The following NSRP1 variants were observed in gnomAD, a reference collection of about 807,000 sequenced individuals.
NSRP1 encodes coiled-coil domain containing 55.
Under a neutral mutation model 54.7 loss-of-function variants are expected in NSRP1, and 24 were observed. The observed-to-expected ratio is 0.44, with a 90% CI of 0.32 to 0.62. The LOEUF is 0.62. NSRP1 is among the 20% of genes least tolerant of loss of function. NSRP1 has a pLI of 0.06. For synonymous variants in NSRP1, 210 were observed against 213.8 expected (o/e 0.98, Z 0.15); for missense variants, 596 against 651.2 (o/e 0.92, Z 0.92).
At chr17:30,156,370 C>G (rs188504884) in intron 2 of NSRP1, among the ~76,000 whole-genome samples, 13 of 124,506 alleles carry the variant, frequency 1.0e-4, no homozygotes, top group South Asian at 5.4e-4. Flanking sequence ...TGTTCACTAT[C>G]ATTCTACTCT....
intron 2 of NSRP1, among the ~76,000 whole-genome samples, chr17:30,133,399 G>T (rs900223458): frequency 2.0e-5 from 3 of 152,096 alleles, no homozygotes; most frequent in African/African-American, 7.2e-5. Flanking sequence ...CCGATGCATT[G>T]TCAGCAGTAT....
intron 2 of NSRP1, among the ~76,000 whole-genome samples, chr17:30,166,156 CAGGAAGAAATTAACAT>C (rs1904724931): frequency 6.6e-6 from 1 of 152,122 alleles, no homozygotes; most frequent in African/African-American, 2.4e-5. Context: ...GAAACTGAAA[CAGGAAGAAATTAACAT>C]ACCTAGAATA....
chr17:30,161,637 T>A (rs559698163), intron 2 of NSRP1, among the ~76,000 whole-genome samples: 89 of 152,334 alleles, frequency 5.8e-4, no homozygotes, highest in Non-Finnish European at 1.1e-3. Context: ...GAGAATCTTG[T>A]CCTGTGTATG....
intron 2 of NSRP1, among the ~76,000 whole-genome samples, chr17:30,171,976 C>CACT (rs1567804388): frequency 1.2e-4 from 10 of 80,348 alleles, no homozygotes; most frequent in South Asian, 5.4e-4. Flanking sequence ...ACACACACTC[C>CACT]CTCTCTCTCT....
At chr17:30,155,027 T>C (rs1486845487) in intron 2 of NSRP1, among the ~76,000 whole-genome samples, 12 of 152,212 alleles carry the variant, frequency 7.9e-5, no homozygotes, top group Admixed American at 4.6e-4. Context: ...ATATATACTT[T>C]TTAGTTCAAA....
intron 5 of NSRP1, among the ~76,000 whole-genome samples, chr17:30,180,508 T>C (rs564031635): frequency 6.6e-6 from 1 of 152,360 alleles, no homozygotes; most frequent in East Asian, 1.9e-4. Flanking sequence ...TGTCTAAGCA[T>C]GTACTATGTG....
intron 2 of NSRP1, among the ~76,000 whole-genome samples, chr17:30,145,250 CA>C (rs1166951792): frequency 1.3e-5 from 2 of 152,052 alleles, no homozygotes; most frequent in Admixed American, 1.3e-4. Context: ...GATATATATT[CA>C]GGGGTGGGAT....
chr17:30,145,906 G>A (rs2143002595), intron 2 of NSRP1, among the ~76,000 whole-genome samples: 1 of 152,308 alleles, frequency 6.6e-6, no homozygotes, highest in East Asian at 1.9e-4. Flanking sequence ...CTTGAGTGCA[G>A]AGGCATGACC....
chr17:30,185,056 T>G lies in NSRP1; in HGVS notation c.1059T>G (p.Asp353Glu). ...GGCACAGAGAGGCCAGTCATAGAGATTCCCATTGGAAGAGGCATGAACAGG... is the reference window on the plus strand; with the variant it reads ...GGCACAGAGAGGCCAGTCATAGAGAGTCCCATTGGAAGAGGCATGAACAGG... ...SHRHREASHR[D>E]SHWKRHEQED... Residue 353 changes from aspartate to glutamate, a missense_variant, in exon 7 of 7, where the codon GAT becomes GAG. Asp to Glu is a conservative substitution (Grantham distance 45). Transcript: ENST00000247026. 6.2e-7 allele frequency: 1 copy of G among 1,613,594 alleles called. No individual in the cohort carries two copies. The highest frequency in any genetic ancestry group is 8.5e-7 in the Non-Finnish European group (1 of 1,179,932).
Position 30,142,483 on chromosome 17 carries a change from G to T in NSRP1, c.114+24310G>T, listed in dbSNP as rs187109439. Among the ~76,000 whole-genome samples, 375 of 149,686 alleles carry T rather than the reference G, an allele frequency of 2.5e-3. 1 individual carries two copies. The highest frequency in any genetic ancestry group is 4.1e-3 in the Non-Finnish European group (277 of 67,622). Reference sequence around the variant, plus strand: ...TGGGAATATAGGCATGTGCCACCACGCCTGGCTAATTAAAAAAAAAAAAAA... The same window carrying T: ...TGGGAATATAGGCATGTGCCACCACTCCTGGCTAATTAAAAAAAAAAAAAA... On this transcript the variant is annotated intron_variant, in intron 2 of 6. Coordinates refer to ENST00000247026, the MANE Select transcript of NSRP1 (RefSeq NM_032141.4).
chr17:30,122,379 A>G (rs1303988256), intron 2 of NSRP1: 1 of 27,538 alleles, frequency 3.6e-5, no homozygotes, highest in South Asian at 2.3e-3. Flanking sequence ...ATATATATAT[A>G]TATATATTTT....
intron 5 of NSRP1, among the ~76,000 whole-genome samples, chr17:30,180,509 G>C (rs1905258520): frequency 1.3e-5 from 2 of 152,206 alleles, no homozygotes. Context: ...GTCTAAGCAT[G>C]TACTATGTGT....
At chr17:30,174,938 A>C (rs1905077942) in intron 3 of NSRP1, among the ~76,000 whole-genome samples, 1 of 152,184 alleles carries the variant, frequency 6.6e-6, no homozygotes, top group Non-Finnish European at 1.5e-5. Flanking sequence ...GCAGAATAGG[A>C]TGGTTTCCTT....
chr17:30,125,418 G>C (rs2071641015), intron 2 of NSRP1, among the ~76,000 whole-genome samples: 1 of 152,208 alleles, frequency 6.6e-6, no homozygotes, highest in Non-Finnish European at 1.5e-5. Context: ...CAGCATTTAA[G>C]ATCAGATTTT....
rs555430013 is a variant in NSRP1 at position 30,165,575 on chromosome 17, A to G, written c.115-6967A>G. 5.3e-5 allele frequency among the ~76,000 whole-genome samples: 8 copies of G among 152,334 alleles called. 1 individual carries two copies. The Middle Eastern group carries it at 0.01, about 194-fold the overall frequency. ...ATTTGGTGTGTCCTTGTATCTTGCCATTTGATTATAGCAGCACAGCAGAGG... is the reference window on the plus strand; with the variant it reads ...ATTTGGTGTGTCCTTGTATCTTGCCGTTTGATTATAGCAGCACAGCAGAGG... On this transcript the variant is annotated intron_variant, in intron 2 of 6. Transcript: ENST00000247026.
chr17:30,144,257 A>ATTTT (rs1263904144), intron 2 of NSRP1: 1 of 145,994 alleles, frequency 6.8e-6, no homozygotes, highest in East Asian at 2.0e-4. Flanking sequence ...TATTATTATT[A>ATTTT]TTATTATTAT....
At chr17:30,147,319 G>A (rs1241413487) in intron 2 of NSRP1, among the ~76,000 whole-genome samples, 1 of 151,496 alleles carries the variant, frequency 6.6e-6, no homozygotes, top group African/African-American at 2.4e-5. Context: ...TAGTAGACAC[G>A]GGGTTTCACC....
chr17:30,169,206 T>C (rs1422006930), intron 2 of NSRP1, among the ~76,000 whole-genome samples: 1 of 152,076 alleles, frequency 6.6e-6, no homozygotes, highest in Admixed American at 6.5e-5. Context: ...TAGCCTTGTG[T>C]TTTTCTTTCC....
chr17:30,165,102 T>G (rs890002574), intron 2 of NSRP1, among the ~76,000 whole-genome samples: 5 of 152,212 alleles, frequency 3.3e-5, no homozygotes, highest in Non-Finnish European at 7.3e-5. Context: ...CTCAAAACGA[T>G]ATACTGCATA....
Sources: gnomAD v4.1 joint callset for allele counts (sites outside exome capture counted in the v4.1 genomes callset) on GRCh38, gnomAD v4.1.1 for gene constraint, MANE v1.5 for transcripts, NCBI Gene and HGNC (gene_info 2026-07-23, HGNC 2026-07-21) for gene names.